C1QL3: variants seen among roughly 807,000 people sequenced by gnomAD.
C1QL3 encodes the protein complement C1q-like protein 3.
C1QL3 carries 4 observed loss-of-function variants against 16.6 expected under a neutral mutation model. That is an observed-to-expected ratio of 0.24 (90% CI 0.12 to 0.55). C1QL3 has a LOEUF of 0.55. Among genes scored for constraint, C1QL3 ranks in the 20% least tolerant of loss-of-function variants. The probability of loss-of-function intolerance (pLI) is 0.94; values close to 1 mark genes in which losing one functional copy is unlikely to be tolerated. For synonymous variants in C1QL3, 189 were observed against 160.2 expected, an observed-to-expected ratio of 1.18 and a Z score of -1.36; for missense variants, 269 against 365.6, an observed-to-expected ratio of 0.74 and a Z score of 2.16.
chr10:16,520,793 G>T lies in C1QL3; in HGVS notation c.273C>A (p.Gly91=), dbSNP rs1837028967. 3 of 1,299,076 alleles carry T rather than the reference G, an allele frequency of 2.3e-6. No homozygotes were observed. The highest frequency in any genetic ancestry group is 2.9e-6 in the Non-Finnish European group (3 of 1,023,006). The allele number at this position is 1,299,076 out of a possible 1,614,324, so 80.5% of individuals were successfully genotyped here. A position where few individuals can be genotyped will look rare whatever the true frequency, so the allele number is the denominator to read the frequency against. The change falls in exon 1 of 2, where the codon GGC becomes GGA. Residue 91 remains glycine (G), a synonymous_variant. Coordinates refer to ENST00000298943, the MANE Select transcript of C1QL3 (RefSeq NM_001010908.2). This position sits in a 1 kb window ranked among gnomAD's most constrained non-coding sequence, Gnocchi z 8.3. ...CTTGGCGGCCCGGCTCGCCCTTCTC[G>T]CCCGGGGGCCCCATGGGGCCGGGTG... ...PGPPGPMGPP[G]EKGEPGRQGL...
Position 16,520,752 on chromosome 10 carries a change from G to T in C1QL3, c.314C>A (p.Pro105His), listed in dbSNP as rs1457914123. ...GGCCGCGTTCAGGCCGGGCGCCCCG[G>T]GCGGGCCCGGCAGGCCTTGGCGGCC... Reference protein sequence around the residue: ...EPGRQGLPGPPGAPGLNAAGA... With the variant: ...EPGRQGLPGPHGAPGLNAAGA... The change falls in exon 1 of 2, where the codon CCC becomes CAC. Residue 105 changes from proline (P) to histidine (H), a missense_variant. By Grantham distance (77) the Pro-to-His change is moderately conservative. Transcript: ENST00000298943. This position sits in a 1 kb window ranked among gnomAD's most constrained non-coding sequence, Gnocchi z 8.3. The T allele has an allele frequency of 1.4e-6, 2 of 1,396,136 alleles. No homozygotes were observed. The highest frequency in any genetic ancestry group is 3.0e-5 in the African/African-American group (2 of 66,774). The allele number at this position is 1,396,136 out of a possible 1,614,324, so 86.5% of individuals were successfully genotyped here.
At position 16,520,441 on chromosome 10, in the gene C1QL3, T is replaced by TGCCCCCCC; in HGVS notation, c.588+36_588+37insGGGGGGGC. On this transcript the variant is annotated intron_variant, in intron 1 of 1. Coordinates refer to ENST00000298943, the MANE Select transcript of C1QL3 (RefSeq NM_001010908.2). The surrounding 1 kb of genome is among the most constrained non-coding windows in gnomAD (Gnocchi z 8.3). ...CCCTCTCGCCCGCACCTTCCCGCGC[T>TGCCCCCCC]CCCTCCCCGCCCTCCCCGCCGCCCG... 8.1e-7 allele frequency: 1 copy of TGCCCCCCC among 1,227,532 alleles called. No homozygotes were observed. The highest frequency in any genetic ancestry group is 1.1e-6 in the Non-Finnish European group (1 of 881,044). The allele number at this position is 1,227,532 out of a possible 1,614,324, so 76.0% of individuals were successfully genotyped here.
rs1003065709 is a variant in C1QL3 at position 16,520,279 on chromosome 10, G to C, written c.588+199C>G. 3.3e-5 allele frequency among the ~76,000 whole-genome samples: 5 copies of C among 152,016 alleles called. No individual in the cohort carries two copies. Among genetic ancestry groups the C allele is most frequent in the Non-Finnish European group, 7.4e-5 (5 of 67,958 alleles). ...CCAGACTCCGGAACTGCCCTCTCCA[G>C]GCCGCGGGGCGCCCTCCTGCGCGCA... On this transcript the variant is annotated intron_variant, in intron 1 of 1. Transcript: ENST00000298943. This position sits in a 1 kb window ranked among gnomAD's most constrained non-coding sequence, Gnocchi z 8.3.
In C1QL3 at chr10:16,520,408, G is replaced by A; in HGVS notation, c.588+70C>T. 8.2e-7 allele frequency: 1 copy of A among 1,216,666 alleles called. No individual in the cohort carries two copies. The highest frequency in any genetic ancestry group is 1.1e-6 in the Non-Finnish European group (1 of 887,800). 75.4% of individuals were successfully genotyped at this position (1,216,666 alleles called of 1,614,324 possible). ...CGCGGGCTCCCACCCCCATTTCCGG[G>A]GTCTCCTCCCTCTCGCCCGCACCTT... On this transcript the variant is annotated intron_variant, in intron 1 of 1. Coordinates refer to ENST00000298943, the MANE Select transcript of C1QL3 (RefSeq NM_001010908.2). This position sits in a 1 kb window ranked among gnomAD's most constrained non-coding sequence, Gnocchi z 8.3.
At chr10:16,519,046 T>A (rs920221538) in intron 1 of C1QL3, among the ~76,000 whole-genome samples, 8 of 151,750 alleles carry the variant, frequency 5.3e-5, no homozygotes, top group African/African-American at 1.7e-4. Context: ...TTCCTCTTTT[T>A]GTTATATGTG....
intron 1 of C1QL3, among the ~76,000 whole-genome samples, chr10:16,517,947 C>T (rs1380418517): frequency 6.6e-6 from 1 of 152,124 alleles, no homozygotes; most frequent in Non-Finnish European, 1.5e-5. Context: ...AATAAAATGG[C>T]TCTCATATGG....
chr10:16,514,466 C>T lies in C1QL3; in HGVS notation c.*62G>A. 2 of 1,443,252 alleles carry T rather than the reference C, an allele frequency of 1.4e-6. No individual in the cohort carries two copies. The highest frequency in any genetic ancestry group is 4.6e-5 in the East Asian group (2 of 43,922). 89.4% of individuals were successfully genotyped at this position (1,443,252 alleles called of 1,614,324 possible). A position where few individuals can be genotyped will look rare whatever the true frequency, so the allele number is the denominator to read the frequency against. Reference sequence around the variant, plus strand: ...GGCATCCCCTGGGATCCTTGATTCACTGACGTTAGCCATACGAATCCAGTG... The same window carrying T: ...GGCATCCCCTGGGATCCTTGATTCATTGACGTTAGCCATACGAATCCAGTG... On this transcript the variant is annotated 3_prime_UTR_variant, in exon 2 of 2. Coordinates refer to ENST00000298943, the MANE Select transcript of C1QL3 (RefSeq NM_001010908.2).
In C1QL3 at chr10:16,520,761, G is replaced by C. The variant is rs1439478178; in HGVS notation, c.305C>G (p.Pro102Arg). 1.5e-6 allele frequency: 2 copies of C among 1,314,804 alleles called. No homozygotes were observed. Among genetic ancestry groups the C allele is most frequent in the African/African-American group, 3.1e-5 (2 of 65,190 alleles). The allele number at this position is 1,314,804 out of a possible 1,614,324, so 81.4% of individuals were successfully genotyped here. A position where few individuals can be genotyped will look rare whatever the true frequency, so the allele number is the denominator to read the frequency against. Residue 102 changes from proline (P) to arginine (R), a missense_variant, in exon 1 of 2, where the codon CCG (proline) becomes CGG (arginine). Pro to Arg is a moderately radical substitution (Grantham distance 103). Around this residue, in one of 2 missense-constraint regions of C1QL3, gnomAD observed 246 missense variants for 297.2 expected, o/e 0.83. Coordinates refer to ENST00000298943, the MANE Select transcript of C1QL3 (RefSeq NM_001010908.2). The surrounding 1 kb of genome is among the most constrained non-coding windows in gnomAD (Gnocchi z 8.3). ...EKGEPGRQGLPGPPGAPGLNA... is the reference protein window; with the variant it reads ...EKGEPGRQGLRGPPGAPGLNA... Reference sequence around the variant, plus strand: ...CAGGCCGGGCGCCCCGGGCGGGCCCGGCAGGCCTTGGCGGCCCGGCTCGCC... The same window carrying C: ...CAGGCCGGGCGCCCCGGGCGGGCCCCGCAGGCCTTGGCGGCCCGGCTCGCC...
intron 1 of C1QL3, among the ~76,000 whole-genome samples, chr10:16,515,639 T>C (rs1048549468): frequency 6.6e-6 from 1 of 152,176 alleles, no homozygotes; most frequent in Non-Finnish European, 1.5e-5. Context: ...AACAGTCAAA[T>C]TGCCTATCAT....
rs1837019312 is a variant in C1QL3 at position 16,520,280 on chromosome 10, G to A, written c.588+198C>T. Among the ~76,000 whole-genome samples, 1 of 151,986 alleles carries A rather than the reference G, an allele frequency of 6.6e-6. No homozygotes were observed. The highest frequency in any genetic ancestry group is 2.4e-5 in the African/African-American group (1 of 41,438). ...CAGACTCCGGAACTGCCCTCTCCAG[G>A]CCGCGGGGCGCCCTCCTGCGCGCAC... On this transcript the variant is annotated intron_variant, in intron 1 of 1. Transcript: ENST00000298943. The surrounding 1 kb of genome is among the most constrained non-coding windows in gnomAD (Gnocchi z 8.3).
chr10:16,518,698 A>G (rs45592845), intron 1 of C1QL3, among the ~76,000 whole-genome samples: 12,067 of 152,248 alleles, frequency 0.079, 518 homozygotes, highest in African/African-American at 0.098. Context: ...GCATTTTTAC[A>G]CATTTGCTGA....
In C1QL3 at chr10:16,520,391, C is replaced by T; in HGVS notation, c.588+87G>A. 1.9e-6 allele frequency: 2 copies of T among 1,075,404 alleles called. No homozygotes were observed. Among genetic ancestry groups the T allele is most frequent in the South Asian group, 3.2e-5 (2 of 61,980 alleles). 66.6% of individuals were successfully genotyped at this position (1,075,404 alleles called of 1,614,324 possible). ...CCGCCGCGCCCTTCCTCCGCGGGCT[C>T]CCACCCCCATTTCCGGGGTCTCCTC... On this transcript the variant is annotated intron_variant, in intron 1 of 1. Transcript: ENST00000298943. This position sits in a 1 kb window ranked among gnomAD's most constrained non-coding sequence, Gnocchi z 8.3.
Position 16,514,710 on chromosome 10 carries a change from A to ACC in C1QL3, c.589-4_589-3insGG. ...TGGGCAATTGCACTAGCACGCACCTATGTGAAACAGACAAGAATTAGGATG... is the reference window on the plus strand; with the variant it reads ...TGGGCAATTGCACTAGCACGCACCTACCTGTGAAACAGACAAGAATTAGGATG... On this transcript the variant is annotated splice_region_variant and splice_polypyrimidine_tract_variant and intron_variant, in intron 1 of 1. Coordinates refer to ENST00000298943, the MANE Select transcript of C1QL3 (RefSeq NM_001010908.2). The ACC allele has an allele frequency of 6.2e-7, 1 of 1,604,536 alleles. No individual in the cohort carries two copies. Among genetic ancestry groups the ACC allele is most frequent in the Non-Finnish European group, 8.5e-7 (1 of 1,176,124 alleles).
In C1QL3 at chr10:16,520,981, G is replaced by T; in HGVS notation, c.85C>A (p.Arg29Ser). ...CCCCCGTAGGGGTCGCAGACCATGC[G>T]GCAGGTGCCCAGCATCTCGTAGTGC... ...SAHYEMLGTC[R>S]MVCDPYGGTK... is the part of the protein sequence containing the mutation. Residue 29 changes from arginine (R) to serine (S), a missense_variant, in exon 1 of 2, where the codon CGC becomes AGC. Transcript: ENST00000298943. This position sits in a 1 kb window ranked among gnomAD's most constrained non-coding sequence, Gnocchi z 8.3. 1 of 1,592,694 alleles carries T rather than the reference G, an allele frequency of 6.3e-7. No individual in the cohort carries two copies.
At position 16,521,024 on chromosome 10, in the gene C1QL3, G is replaced by T. The variant is rs376506829; in HGVS notation, c.42C>A (p.Ser14Arg). Residue 14 changes from serine to arginine, a missense_variant, in exon 1 of 2, where the codon AGC becomes AGA. Physicochemically the swap from Ser to Arg is moderately radical, Grantham distance 110. Coordinates refer to ENST00000298943, the MANE Select transcript of C1QL3 (RefSeq NM_001010908.2). ...CGTAGTGCGCCGACGTGCCGGCCGA[G>T]CTCACCAGCACCGGGATGAGGATCA... ...LLVILIPVLV[S>R]SAGTSAHYEM... 3.1e-6 allele frequency: 5 copies of T among 1,600,618 alleles called. No individual in the cohort carries two copies. The African/African-American group carries it at 6.7e-5, about 21-fold the overall frequency.
At position 16,514,649 on chromosome 10, in the gene C1QL3, C is replaced by T. The variant is rs1564416553; in HGVS notation, c.647G>A (p.Ser216Asn). Reference protein sequence around the residue: ...ADQNYDYASNSVVLHLEPGDE... With the variant: ...ADQNYDYASNNVVLHLEPGDE... ...TCCCGGCTCCAAATGAAGAACCACACTGTTACTGGCATAGTCGTAATTCTG... is the reference window on the plus strand; with the variant it reads ...TCCCGGCTCCAAATGAAGAACCACATTGTTACTGGCATAGTCGTAATTCTG... The change falls in exon 2 of 2, where the codon AGT becomes AAT. Residue 216 changes from serine (S) to asparagine (N), a missense_variant. Coordinates refer to ENST00000298943, the MANE Select transcript of C1QL3 (RefSeq NM_001010908.2). 6.2e-7 allele frequency: 1 copy of T among 1,613,970 alleles called. No homozygotes were observed. Among genetic ancestry groups the T allele is most frequent in the Non-Finnish European group, 8.5e-7 (1 of 1,179,844 alleles).
chr10:16,519,140 C>CTTTTTTTTTTTTTTTTT (rs567187339), intron 1 of C1QL3, among the ~76,000 whole-genome samples: 678 of 39,172 alleles, frequency 0.017, 99 homozygotes, highest in Middle Eastern at 0.048. Context: ...GCATTTAGGA[C>CTTTTTTTTTTTTTTTTT]TTTTTTTTTT....
chr10:16,519,140 C>T (rs1252787950), intron 1 of C1QL3, among the ~76,000 whole-genome samples: 285 of 39,378 alleles, frequency 7.2e-3, no homozygotes, highest in African/African-American at 0.01. Flanking sequence ...GCATTTAGGA[C>T]TTTTTTTTTT....
Position 16,520,754 on chromosome 10 carries a change from C to G in C1QL3, c.312G>C (p.Pro104=). Residue 104 remains proline (P), a synonymous_variant, in exon 1 of 2, where the codon CCG becomes CCC. Transcript: ENST00000298943. This position sits in a 1 kb window ranked among gnomAD's most constrained non-coding sequence, Gnocchi z 8.3. ...GEPGRQGLPG[P]PGAPGLNAAG... ...CCGCGTTCAGGCCGGGCGCCCCGGG[C>G]GGGCCCGGCAGGCCTTGGCGGCCCG... 3 of 1,394,232 alleles carry G rather than the reference C, an allele frequency of 2.2e-6. No individual in the cohort carries two copies. The highest frequency in any genetic ancestry group is 1.9e-6 in the Non-Finnish European group (2 of 1,071,508). The allele number at this position is 1,394,232 out of a possible 1,614,324, so 86.4% of individuals were successfully genotyped here.
Sources: gnomAD v4.1 joint callset for allele counts (sites outside exome capture counted in the v4.1 genomes callset) on GRCh38, gnomAD v4.1.1 for gene constraint, gnomAD v4.1.1 regional missense constraint, Gnocchi (gnomAD v3.1) non-coding constraint, MANE v1.5 for transcripts, NCBI Gene and HGNC (gene_info 2026-07-23, HGNC 2026-07-21) for gene names.